ADRA1B: variants seen among roughly 807,000 people sequenced by gnomAD.
ADRA1B encodes adrenoceptor alpha 1B.
A neutral mutation model predicts 17.9 loss-of-function variants in ADRA1B; 17 were observed. That is an observed-to-expected ratio of 0.95 (90% CI 0.65 to 1.42). The LOEUF is 1.42. Among genes scored for constraint, ADRA1B ranks in the 40% most tolerant of loss-of-function variants. The probability of loss-of-function intolerance (pLI) is 0.00; values close to 1 mark genes in which losing one functional copy is unlikely to be tolerated. For synonymous variants in ADRA1B, 366 were observed against 327.6 expected, an observed-to-expected ratio of 1.12 and a Z score of -1.27; for missense variants, 681 against 722.1, an observed-to-expected ratio of 0.94 and a Z score of 0.65.
At chr5:159,875,218 G>C (rs141767840) in intron 1 of ADRA1B, among the ~76,000 whole-genome samples, 3 of 152,248 alleles carry the variant, frequency 2.0e-5, no homozygotes, top group South Asian at 2.1e-4. Flanking sequence ...CTTATACTAA[G>C]AGAAGGTTTA....
intron 1 of ADRA1B, among the ~76,000 whole-genome samples, chr5:159,923,047 G>A (rs1228675196): frequency 8.5e-5 from 13 of 152,268 alleles, no homozygotes; most frequent in Admixed American, 7.8e-4. Context: ...AGTGAAGGGG[G>A]CTGATAGAGG....
upstream of ADRA1B, among the ~76,000 whole-genome samples, chr5:159,914,645 G>A (rs1033229402): frequency 1.3e-5 from 2 of 152,184 alleles, no homozygotes; most frequent in African/African-American, 4.8e-5. Context: ...TTTGCTGGGA[G>A]TAAATTAAAA....
At chr5:159,905,177 T>C (rs764702988) in intron 1 of ADRA1B, among the ~76,000 whole-genome samples, 2 of 152,180 alleles carry the variant, frequency 1.3e-5, no homozygotes, top group African/African-American at 2.4e-5. Context: ...ACCATTGGGA[T>C]CTTGGGGAGG....
At chr5:159,866,390 G>A (rs571935386) in intron 1 of ADRA1B, among the ~76,000 whole-genome samples, 20 of 151,032 alleles carry the variant, frequency 1.3e-4, no homozygotes, top group East Asian at 1.2e-3. Flanking sequence ...AGTTTGAGAC[G>A]AGCCTGGCCA....
chr5:159,981,580 C>T, the ADRA1B span, among the ~76,000 whole-genome samples: 1 of 152,152 alleles, frequency 6.6e-6, no homozygotes, highest in Non-Finnish European at 1.5e-5. Flanking sequence ...ACTGCAGGCT[C>T]CGCCTTCCAG....
chr5:159,933,729 A>G (rs1581045545), intron 1 of ADRA1B, among the ~76,000 whole-genome samples: 1 of 152,274 alleles, frequency 6.6e-6, no homozygotes, highest in South Asian at 2.1e-4. Flanking sequence ...GCGTATAAAC[A>G]GATTTGATCT....
At chr5:159,950,394 T>G in intron 1 of ADRA1B, 1 of 654,188 alleles carries the variant, frequency 1.5e-6, no homozygotes, top group Non-Finnish European at 2.8e-6. Context: ...GAGGGGAGAG[T>G]CTCAGTGTCA....
chr5:159,982,396 A>G, the ADRA1B span, among the ~76,000 whole-genome samples: 2 of 152,058 alleles, frequency 1.3e-5, no homozygotes, highest in Non-Finnish European at 2.9e-5. Context: ...CTTTTTTCCC[A>G]TCCAATTTAG....
chr5:159,948,569 GC>G (rs1755340104), intron 1 of ADRA1B: 1 of 695,874 alleles, frequency 1.4e-6, no homozygotes, highest in African/African-American at 1.9e-5. Flanking sequence ...ATAGTAAAAA[GC>G]CACCCCTTAA....
chr5:159,879,009 G>A (rs968229501), intron 1 of ADRA1B, among the ~76,000 whole-genome samples: 4 of 151,926 alleles, frequency 2.6e-5, no homozygotes, highest in Non-Finnish European at 4.4e-5. Flanking sequence ...TCCTCACCCC[G>A]GCCCTGGGTG....
chr5:159,940,801 G>A (rs558954829), intron 1 of ADRA1B, among the ~76,000 whole-genome samples: 40 of 152,244 alleles, frequency 2.6e-4, no homozygotes, highest in African/African-American at 9.6e-4. Context: ...CTGCTTCTCT[G>A]TAGTGAGCAT....
downstream of ADRA1B, among the ~76,000 whole-genome samples, chr5:159,974,840 G>A (rs147028039): frequency 2.0e-5 from 3 of 152,158 alleles, no homozygotes; most frequent in East Asian, 5.8e-4. Context: ...TAATTTTCTA[G>A]GCCAACTCCC....
chr5:159,983,273 C>T, the ADRA1B span, among the ~76,000 whole-genome samples: 1 of 152,130 alleles, frequency 6.6e-6, no homozygotes, highest in Non-Finnish European at 1.5e-5. Flanking sequence ...GCCAGCTAGT[C>T]CAGGGCTGTG....
chr5:159,940,936 A>G (rs1243144549), intron 1 of ADRA1B, among the ~76,000 whole-genome samples: 8 of 152,236 alleles, frequency 5.3e-5, no homozygotes, highest in Admixed American at 2.6e-4. Context: ...AGTTACCTGA[A>G]TTTCAATGTG....
At chr5:159,883,047 G>A (rs1753880267) in intron 1 of ADRA1B, among the ~76,000 whole-genome samples, 1 of 152,160 alleles carries the variant, frequency 6.6e-6, no homozygotes, top group African/African-American at 2.4e-5. Context: ...ATTCTCTTGT[G>A]CCAGTTGCTG....
At chr5:159,957,929 C>CAAAAAAA (rs35956137) in intron 1 of ADRA1B, among the ~76,000 whole-genome samples, 30 of 66,816 alleles carry the variant, frequency 4.5e-4, no homozygotes, top group Non-Finnish European at 5.6e-4. Flanking sequence ...AACCCCATCT[C>CAAAAAAA]AAAAAAAAAA....
At chr5:159,943,582 C>G (rs1029072252) in intron 1 of ADRA1B, among the ~76,000 whole-genome samples, 2 of 152,042 alleles carry the variant, frequency 1.3e-5, no homozygotes, top group Non-Finnish European at 2.9e-5. Flanking sequence ...TCTCCCTAAC[C>G]AGATCTATCT....
intron 1 of ADRA1B, among the ~76,000 whole-genome samples, chr5:159,897,031 A>G (rs916676759): frequency 6.6e-6 from 1 of 152,216 alleles, no homozygotes; most frequent in African/African-American, 2.4e-5. Context: ...TTTGGGGCCT[A>G]TTGGCAATGG....
chr5:159,876,083 C>T (rs1166922077), intron 1 of ADRA1B, among the ~76,000 whole-genome samples: 2 of 152,006 alleles, frequency 1.3e-5, no homozygotes, highest in Admixed American at 6.6e-5. Context: ...CAGCTACTCA[C>T]GAGGCTGAGG....
Sources: allele counts gnomAD v4.1 joint callset (sites outside exome capture counted in the v4.1 genomes callset), GRCh38; gene constraint gnomAD v4.1.1; transcripts MANE v1.5; gene names NCBI Gene and HGNC (gene_info 2026-07-23, HGNC 2026-07-21).